The following SKIC3 variants were observed in gnomAD, a reference collection of about 807,000 sequenced individuals.
SKIC3 encodes the protein superkiller complex protein 3.
At chr5:95,549,180 A>G in the SKIC3 span, among the ~76,000 whole-genome samples, 1 of 152,056 alleles carries the variant, frequency 6.6e-6, no homozygotes, top group Non-Finnish European at 1.5e-5. Flanking sequence ...AGACTTAAAA[A>G]TGGAGTGAAG....
the SKIC3 span, chr5:95,528,095 A>C: frequency 1.1e-5 from 18 of 1,613,768 alleles, no homozygotes; most frequent in African/African-American, 2.3e-4. Context: ...ATGAAGACAA[A>C]GATTCCTCTG....
the SKIC3 span, among the ~76,000 whole-genome samples, chr5:95,504,664 T>C: frequency 6.6e-6 from 1 of 152,012 alleles, no homozygotes; most frequent in Non-Finnish European, 1.5e-5. Context: ...GGCATACAGA[T>C]ACACTAAAAT....
the SKIC3 span, chr5:95,478,557 T>G: frequency 7.1e-7 from 1 of 1,410,448 alleles, no homozygotes; most frequent in Non-Finnish European, 9.8e-7. Flanking sequence ...TTTTAGTTAT[T>G]GGTAAGTTCT....
At chr5:95,484,733 G>A in the SKIC3 span, 1 of 1,614,138 alleles carries the variant, frequency 6.2e-7, no homozygotes, top group Non-Finnish European at 8.5e-7. Flanking sequence ...CCTTTGTGCA[G>A]AGAGTTTCAG....
the SKIC3 span, among the ~76,000 whole-genome samples, chr5:95,473,036 T>G: frequency 6.6e-6 from 1 of 152,156 alleles, no homozygotes; most frequent in South Asian, 2.1e-4. Flanking sequence ...TGATTCCATG[T>G]CTCTGCATTG....
the SKIC3 span, chr5:95,522,095 A>G: frequency 6.2e-7 from 1 of 1,613,794 alleles, no homozygotes; most frequent in Non-Finnish European, 8.5e-7. Flanking sequence ...TTTAATGATC[A>G]TCTGGTATTG....
the SKIC3 span, among the ~76,000 whole-genome samples, chr5:95,518,195 G>T: frequency 1.3e-5 from 2 of 151,776 alleles, no homozygotes; most frequent in Non-Finnish European, 2.9e-5. Context: ...TTTTTAATTG[G>T]CATAACTATA....
the SKIC3 span, among the ~76,000 whole-genome samples, chr5:95,466,437 A>AGGAC: frequency 6.6e-6 from 1 of 152,216 alleles, no homozygotes; most frequent in Non-Finnish European, 1.5e-5. Context: ...GGATACTGCC[A>AGGAC]AATATCCAAC....
the SKIC3 span, among the ~76,000 whole-genome samples, chr5:95,492,940 C>G: frequency 2.5e-4 from 38 of 152,046 alleles, 1 homozygote; most frequent in South Asian, 7.7e-3. Flanking sequence ...AACCAGCAAC[C>G]CAAATTCCCT....
At chr5:95,532,205 G>A in the SKIC3 span, among the ~76,000 whole-genome samples, 1 of 152,084 alleles carries the variant, frequency 6.6e-6, no homozygotes, top group Non-Finnish European at 1.5e-5. Flanking sequence ...CATATTTAGG[G>A]TAGCTTAAAC....
chr5:95,528,189 T>C, the SKIC3 span: 1 of 1,613,006 alleles, frequency 6.2e-7, no homozygotes. Flanking sequence ...AAGACAGCCA[T>C]ATCACTTCTG....
the SKIC3 span, chr5:95,554,920 A>G: frequency 4.7e-6 from 1 of 210,728 alleles, no homozygotes; most frequent in South Asian, 5.5e-5. Context: ...CAAAACCGAC[A>G]GAAATCCAAA....
chr5:95,544,691 T>C, the SKIC3 span, among the ~76,000 whole-genome samples: 5 of 152,296 alleles, frequency 3.3e-5, no homozygotes, highest in South Asian at 8.3e-4. Context: ...ACTTAACAGC[T>C]GAACAAAATG....
the SKIC3 span, among the ~76,000 whole-genome samples, chr5:95,470,129 C>T: frequency 1.3e-5 from 2 of 152,002 alleles, no homozygotes; most frequent in South Asian, 2.1e-4. Flanking sequence ...AGGCGCCCGC[C>T]ACCACACCCG....
the SKIC3 span, among the ~76,000 whole-genome samples, chr5:95,472,193 G>T: frequency 3.3e-5 from 5 of 152,164 alleles, no homozygotes; most frequent in South Asian, 1.0e-3. Flanking sequence ...CTCACCACTG[G>T]CATTGCTCAT....
chr5:95,524,701 G>A, the SKIC3 span: 4 of 1,431,000 alleles, frequency 2.8e-6, no homozygotes, highest in Non-Finnish European at 3.8e-6. Context: ...TGATTCAGAG[G>A]TGCCAAATTA....
chr5:95,544,466 C>T, the SKIC3 span, among the ~76,000 whole-genome samples: 1 of 152,174 alleles, frequency 6.6e-6, no homozygotes, highest in African/African-American at 2.4e-5. Flanking sequence ...CCAATCTTCT[C>T]TTTGTTCTTC....
the SKIC3 span, among the ~76,000 whole-genome samples, chr5:95,476,928 T>A: frequency 2.0e-5 from 3 of 152,238 alleles, no homozygotes; most frequent in African/African-American, 7.2e-5. Flanking sequence ...CTAAGTGCTA[T>A]AGTTTGCTAT....
chr5:95,551,585 T>C, the SKIC3 span, among the ~76,000 whole-genome samples: 5 of 152,248 alleles, frequency 3.3e-5, no homozygotes, highest in East Asian at 7.7e-4. Context: ...CTGGCTTCTT[T>C]AGCCCTGCTA....
Sources: allele counts gnomAD v4.1 joint callset (sites outside exome capture counted in the v4.1 genomes callset), GRCh38; gene constraint gnomAD v4.1.1; transcripts MANE v1.5; gene names NCBI Gene and HGNC (gene_info 2026-07-23, HGNC 2026-07-21).